The following TUBG2 variants were observed in gnomAD, a reference collection of about 807,000 sequenced individuals.
The protein encoded by TUBG2 is tubulin gamma-2 chain.
TUBG2 carries 39 observed loss-of-function variants against 55.1 expected under a neutral mutation model. That is an observed-to-expected ratio of 0.71 (90% confidence interval 0.55 to 0.93). The LOEUF is 0.93. TUBG2 is among the 40% of genes least tolerant of loss of function. TUBG2 has a pLI of 0.00. For missense variants in TUBG2, 358 were observed against 599.1 expected, an observed-to-expected ratio of 0.60 and a Z score of 4.20; for synonymous variants, 223 against 241.0, an observed-to-expected ratio of 0.93 and a Z score of 0.69.
rs771406125 is a variant in TUBG2, at chr17:42,659,487, C to G, written c.-17C>G. The G allele has an allele frequency of 2.6e-6, 4 of 1,546,602 alleles. No individual in the cohort carries two copies. The highest frequency in any genetic ancestry group is 1.7e-6 in the Non-Finnish European group (2 of 1,145,534). ...CTCTCGCCAGGCCGGGGCTGGCGCG[C>G]CCACGTCTGAAGAGCGATGCCCCGG... On this transcript the variant is annotated 5_prime_UTR_variant, in exon 1 of 11. Coordinates refer to ENST00000251412, the MANE Select transcript of TUBG2 (RefSeq NM_016437.3).
chr17:42,666,672 AAGG>A lies in TUBG2; in HGVS notation c.1233_1235del (p.Glu411del). 2 of 1,614,144 alleles carry A rather than the reference AAGG, an allele frequency of 1.2e-6. No individual in the cohort carries two copies. Among genetic ancestry groups the A allele is most frequent in the Non-Finnish European group, 1.7e-6 (2 of 1,180,010 alleles). On this transcript the variant is annotated inframe_deletion, in exon 11 of 11. Transcript: ENST00000251412. ...GGATGCCTTCCTCGAGCAGTTCCGT[AAGG>A]AGGACATGTTCAAGGACAACTTTGA...
Position 42,665,835 on chromosome 17 carries a change from C to T in TUBG2, c.843+8C>T, listed in dbSNP as rs776501047. The T allele has an allele frequency of 8.7e-6, 14 of 1,614,022 alleles. No individual in the cohort carries two copies. The highest frequency in any genetic ancestry group is 1.1e-5 in the Non-Finnish European group (13 of 1,179,982). On this transcript the variant is annotated splice_region_variant and intron_variant, in intron 8 of 10. Coordinates refer to ENST00000251412, the MANE Select transcript of TUBG2 (RefSeq NM_016437.3). The stretch of plus-strand genomic sequence containing the variant: ...CTCACTACAGACCAGTCAGTAAGAG[C>T]AGCCTTCAGTGTCCCAGGCCAGGCT...
intron 6 of TUBG2, 41 bp from the exon 7 acceptor site, chr17:42,665,434 AT>A: frequency 6.2e-7 from 1 of 1,613,342 alleles, no homozygotes. Flanking sequence ...TTCTATGCCC[AT>A]TTTATCCTCA....
chr17:42,663,109 C>T, intron 5 of TUBG2, 57 bp downstream of exon 5: 1 of 1,560,010 alleles, frequency 6.4e-7, no homozygotes, highest in East Asian at 2.2e-5. Flanking sequence ...AATGTCATTG[C>T]TTTTTTCTCT....
chr17:42,662,108 C>G (rs767358125), intron 4 of TUBG2, among the ~76,000 whole-genome samples: 3 of 152,180 alleles, frequency 2.0e-5, no homozygotes, highest in Non-Finnish European at 4.4e-5. Context: ...AGTTCAAAAC[C>G]AGCCTGGGCA....
Position 42,666,073 on chromosome 17 carries a change from C to T in TUBG2, c.844-14C>T. The T allele has an allele frequency of 6.2e-7, 1 of 1,613,964 alleles. No homozygotes were observed. Among genetic ancestry groups the T allele is most frequent in the Non-Finnish European group, 8.5e-7 (1 of 1,179,872 alleles). ...CTGAGCGCTGGCCGGGTCCCTGTCT[C>T]ACTGTCCCATCAGGTGGCCAGCGTG... On this transcript the variant is annotated splice_polypyrimidine_tract_variant and intron_variant, in intron 8 of 10. Coordinates refer to ENST00000251412, the MANE Select transcript of TUBG2 (RefSeq NM_016437.3).
chr17:42,662,273 C>T (rs1597772268), intron 4 of TUBG2, among the ~76,000 whole-genome samples: 2 of 152,102 alleles, frequency 1.3e-5, no homozygotes, highest in Non-Finnish European at 2.9e-5. Context: ...CACTGCACTG[C>T]AGTCTGGGGG....
rs775687699 is a variant in TUBG2, at chr17:42,663,061, G to C, written c.479+9G>C. 1.2e-6 allele frequency: 2 copies of C among 1,613,520 alleles called. No individual in the cohort carries two copies. The highest frequency in any genetic ancestry group is 1.3e-5 in the African/African-American group (1 of 74,884). On this transcript the variant is annotated intron_variant, in intron 5 of 10. Coordinates refer to ENST00000251412, the MANE Select transcript of TUBG2 (RefSeq NM_016437.3). ...GAGCGACTGAATGACAGGCAAGCCTGTGTTTGGGGAGAGGGCATTAACCCT... is the reference window on the plus strand; with the variant it reads ...GAGCGACTGAATGACAGGCAAGCCTCTGTTTGGGGAGAGGGCATTAACCCT...
At chr17:42,664,823 TTTTC>T (rs149988552) in intron 6 of TUBG2, among the ~76,000 whole-genome samples, 2,126 of 119,756 alleles carry the variant, frequency 0.018, 23 homozygotes, top group East Asian at 0.058. Flanking sequence ...GAAACAGTAC[TTTTC>T]TTTCTTTTTA....
intron 4 of TUBG2, 46 bp from the exon 5 acceptor site, chr17:42,662,927 A>T (rs372503832): frequency 2.5e-6 from 4 of 1,583,476 alleles, no homozygotes; most frequent in Non-Finnish European, 3.5e-6. Flanking sequence ...GTGTTGTGAG[A>T]GTGTGGCAGG....
chr17:42,664,694 A>G (rs912721260), intron 6 of TUBG2, among the ~76,000 whole-genome samples: 12 of 151,932 alleles, frequency 7.9e-5, no homozygotes, highest in African/African-American at 2.9e-4. Context: ...ATGAAGGGAA[A>G]GACGGTGCCT....
intron 1 of TUBG2, 21 bp downstream of exon 1, chr17:42,659,573 C>T: frequency 6.5e-7 from 1 of 1,538,310 alleles, no homozygotes; most frequent in Non-Finnish European, 8.8e-7. Flanking sequence ...GAGCGCCGGC[C>T]CCGCCGGTCT....
rs1310822495 is a variant in TUBG2 at position 42,665,467 on chromosome 17, T to TC, written c.607-3dup. ...CTCAAGATGCTGTGATGCTCTTCTG[T>TC]CCCCCCAGGTGGTGCTGGACAACAC... is the stretch of plus-strand genomic sequence containing the variant. On this transcript the variant is annotated splice_polypyrimidine_tract_variant and intron_variant, in intron 6 of 10. Coordinates refer to ENST00000251412, the MANE Select transcript of TUBG2 (RefSeq NM_016437.3). 1.2e-6 allele frequency: 2 copies of TC among 1,613,682 alleles called. No homozygotes were observed. Among genetic ancestry groups the TC allele is most frequent in the African/African-American group, 1.3e-5 (1 of 74,766 alleles).
intron 4 of TUBG2, 162 bp downstream of exon 4, chr17:42,660,869 T>G: frequency 3.2e-6 from 2 of 627,196 alleles, no homozygotes; most frequent in Non-Finnish European, 5.8e-6. Context: ...GATATAATCT[T>G]TGTTCTCAAG....
Position 42,659,408 on chromosome 17 carries a change from GC to G in TUBG2, c.-95del. 7.6e-7 allele frequency: 1 copy of G among 1,309,970 alleles called. No individual in the cohort carries two copies. The highest frequency in any genetic ancestry group is 1.0e-6 in the Non-Finnish European group (1 of 965,616). The allele number at this position is 1,309,970 out of a possible 1,614,324, so 81.1% of individuals were successfully genotyped here. On this transcript the variant is annotated 5_prime_UTR_variant, in exon 1 of 11. The change abolishes the stop of an existing upstream ORF in the 5' untranslated region. Coordinates refer to ENST00000251412, the MANE Select transcript of TUBG2 (RefSeq NM_016437.3). ...ATCCGCGTCAAGAGGCGAAGAGAGC[GC>G]GCGCTCCCCACGTCCTGCGCTCCTG... is the stretch of plus-strand genomic sequence containing the variant.
In TUBG2 at chr17:42,659,369, C is replaced by A; in HGVS notation, c.-135C>A. On this transcript the variant is annotated 5_prime_UTR_variant, in exon 1 of 11. Transcript: ENST00000251412. ...GCCGAGGAGAGGCCTGCGCTGCACA[C>A]GCGCAGACCGAGCATCCGCGTCAAG... 1 of 929,616 alleles carries A rather than the reference C, an allele frequency of 1.1e-6. No individual in the cohort carries two copies. The allele number at this position is 929,616 out of a possible 1,614,324, so 57.6% of individuals were successfully genotyped here.
At position 42,666,122 on chromosome 17, in the gene TUBG2, C is replaced by T. The variant is rs151219449; in HGVS notation, c.879C>T (p.Val293=). ...ASVRKTTVLD[V]MRRLLQPKNV... ...TGAGGAAGACCACGGTCCTGGATGT[C>T]ATGAGGCGGCTGCTGCAGCCCAAGA... Residue 293 remains valine, a synonymous_variant, in exon 9 of 11, where the codon GTC becomes GTT. Coordinates refer to ENST00000251412, the MANE Select transcript of TUBG2 (RefSeq NM_016437.3). The T allele has an allele frequency of 3.3e-5, 54 of 1,614,030 alleles. No homozygotes were observed. In the African/African-American group the frequency reaches 4.7e-4, roughly 14 times the overall value.
At position 42,665,932 on chromosome 17, in the gene TUBG2, G is replaced by A. The variant is rs1412265225; in HGVS notation, c.843+105G>A. On this transcript the variant is annotated intron_variant, in intron 8 of 10. Coordinates refer to ENST00000251412, the MANE Select transcript of TUBG2 (RefSeq NM_016437.3). ...CTGCCCCAGGAGCTGCCCTTTGCAG[G>A]CCCCAAGGCACTGCGCTCAGGGACT... The A allele has an allele frequency of 8.2e-6, 13 of 1,584,896 alleles. No individual in the cohort carries two copies. In the East Asian group the frequency reaches 2.7e-4, roughly 33 times the overall value.
At chr17:42,661,845 G>A (rs1401038344) in intron 4 of TUBG2, among the ~76,000 whole-genome samples, 2 of 152,192 alleles carry the variant, frequency 1.3e-5, no homozygotes. Flanking sequence ...TCGATTTATA[G>A]CTGGTTGGTC....
Sources: allele counts gnomAD v4.1 joint callset (sites outside exome capture counted in the v4.1 genomes callset), GRCh38; gene constraint gnomAD v4.1.1; transcripts MANE v1.5; gene names NCBI Gene and HGNC (gene_info 2026-07-23, HGNC 2026-07-21).